PPFIBP2: variants seen among roughly 807,000 people sequenced by gnomAD.
PPFIBP2 encodes the protein PPFIB scaffold protein 2, also known as liprin-beta-2.
Under a neutral mutation model 118.3 loss-of-function variants are expected in PPFIBP2, and 118 were observed. The observed-to-expected ratio is 1.00, with a 90% CI of 0.86 to 1.16. The LOEUF (loss-of-function observed/expected upper bound fraction) is 1.16, where lower values mean the gene tolerates loss of function less well. PPFIBP2 is among the 50% of genes most tolerant of loss of function. The probability of loss-of-function intolerance (pLI) is 0.00; values close to 1 mark genes in which losing one functional copy is unlikely to be tolerated. For synonymous variants in PPFIBP2, 414 were observed against 397.4 expected, an observed-to-expected ratio of 1.04 and a Z score of -0.50; for missense variants, 1,195 against 1,073.1, an observed-to-expected ratio of 1.11 and a Z score of -1.59.
intron 2 of PPFIBP2, among the ~76,000 whole-genome samples, chr11:7,551,434 G>C (rs1852986534): frequency 6.6e-6 from 1 of 152,084 alleles, no homozygotes; most frequent in Non-Finnish European, 1.5e-5. Flanking sequence ...TATATATTCA[G>C]GTCTATTTCT....
intron 8 of PPFIBP2, among the ~76,000 whole-genome samples, chr11:7,626,281 C>G (rs1849995529): frequency 6.6e-6 from 1 of 152,230 alleles, no homozygotes; most frequent in Admixed American, 6.5e-5. Flanking sequence ...TTTACTCAGT[C>G]ATTTCATGGA....
chr11:7,607,832 A>G (rs1847582926), intron 5 of PPFIBP2, among the ~76,000 whole-genome samples: 1 of 152,190 alleles, frequency 6.6e-6, no homozygotes, highest in Admixed American at 6.5e-5. Flanking sequence ...ACTTTAACTT[A>G]TTTTCCTACC....
intron 2 of PPFIBP2, among the ~76,000 whole-genome samples, chr11:7,553,205 C>G (rs1409028026): frequency 6.7e-6 from 1 of 150,312 alleles, no homozygotes; most frequent in African/African-American, 2.5e-5. Flanking sequence ...TTCACTGATT[C>G]TTTTGGAATA....
chr11:7,663,489 G>C, the PPFIBP2 span, among the ~76,000 whole-genome samples: 1 of 152,202 alleles, frequency 6.6e-6, no homozygotes, highest in South Asian at 2.1e-4. Flanking sequence ...CCCACTTGAG[G>C]AGGCAGTCTG....
At chr11:7,540,686 G>A (rs1851684473) in intron 1 of PPFIBP2, among the ~76,000 whole-genome samples, 1 of 152,160 alleles carries the variant, frequency 6.6e-6, no homozygotes, top group Non-Finnish European at 1.5e-5. Context: ...CAGAATGGGG[G>A]ACCCCACAGG....
At position 7,648,508 on chromosome 11, in the gene PPFIBP2, T is replaced by C. The variant is rs1283595039; in HGVS notation, c.1768T>C (p.Leu590=). 1.5e-5 allele frequency: 25 copies of C among 1,614,046 alleles called. No individual in the cohort carries two copies. The highest frequency in any genetic ancestry group is 2.2e-5 in the East Asian group (1 of 44,844). ...GTGGGTATCTTCTGGCCACACCTTA[T>C]TGACAGCCACCCCTCAGGACATGGA... The part of the protein sequence containing the change: ...RQWVSSGHTL[L]TATPQDMEKE... The change falls in exon 18 of 24, where the codon TTG becomes CTG. Residue 590 remains leucine (L), a synonymous_variant. Transcript: ENST00000299492.
rs114491391 is a variant in PPFIBP2 at position 7,639,570 on chromosome 11, G to A, written c.1237-162G>A. ...AGTTTCTTCCTTCCTTGGAACTCTGGTCCCCTTTCTCGGACTAGCTAAATA... is the reference window on the plus strand; with the variant it reads ...AGTTTCTTCCTTCCTTGGAACTCTGATCCCCTTTCTCGGACTAGCTAAATA... On this transcript the variant is annotated intron_variant, in intron 14 of 23. Transcript: ENST00000299492. Among the ~76,000 whole-genome samples, 504 of 152,254 alleles carry A rather than the reference G, an allele frequency of 3.3e-3. 3 individuals are homozygous for A. The highest frequency in any genetic ancestry group is 0.012 in the African/African-American group (480 of 41,526).
intron 3 of PPFIBP2, chr11:7,577,540 G>A: frequency 2.2e-6 from 1 of 456,692 alleles, no homozygotes; most frequent in Non-Finnish European, 4.4e-6. Context: ...CTCCAGCCAG[G>A]AAAAGGGCTT....
At position 7,580,786 on chromosome 11, in the gene PPFIBP2, G is replaced by A. The variant is rs74051532; in HGVS notation, c.280-12346G>A. Reference sequence around the variant, plus strand: ...CACATACAGGCTTTATGAGGACTCAGTAAGATAGTACGATTAGTGCAGTAT... The same window carrying A: ...CACATACAGGCTTTATGAGGACTCAATAAGATAGTACGATTAGTGCAGTAT... On this transcript the variant is annotated intron_variant, in intron 3 of 23. Transcript: ENST00000299492. Among the ~76,000 whole-genome samples the A allele has an allele frequency of 2.9e-3, 434 of 151,258 alleles. 3 individuals carry two copies. Among genetic ancestry groups the A allele is most frequent in the African/African-American group, 0.01 (423 of 41,492 alleles).
At chr11:7,597,097 C>A in intron 4 of PPFIBP2, 1 of 1,282,670 alleles carries the variant, frequency 7.8e-7, no homozygotes, top group Non-Finnish European at 1.0e-6. Flanking sequence ...AAAACACTCA[C>A]CTGATAGGTG....
chr11:7,637,074 A>G (rs1404035691), intron 14 of PPFIBP2, among the ~76,000 whole-genome samples: 1 of 152,214 alleles, frequency 6.6e-6, no homozygotes. Context: ...GCCCATGGAA[A>G]AAGTCAATCT....
intron 2 of PPFIBP2, among the ~76,000 whole-genome samples, chr11:7,550,337 G>A (rs1590203631): frequency 1.3e-5 from 2 of 152,148 alleles, no homozygotes; most frequent in East Asian, 3.8e-4. Context: ...GAGCGTGGAG[G>A]AAGGTATTGG....
At chr11:7,665,502 C>G in the PPFIBP2 span, 33 of 1,613,506 alleles carry the variant, frequency 2.0e-5, no homozygotes, top group Non-Finnish European at 2.7e-5. Flanking sequence ...GGAAGGTGCT[C>G]CTTGATCATG....
intron 4 of PPFIBP2, 95 bp from the exon 5 acceptor site, chr11:7,597,465 A>G: frequency 6.5e-7 from 1 of 1,533,268 alleles, no homozygotes; most frequent in Admixed American, 2.0e-5. Context: ...TGTAAGAGTC[A>G]GTGGTGAGAT....
intron 1 of PPFIBP2, among the ~76,000 whole-genome samples, chr11:7,536,388 G>C (rs1851218957): frequency 6.6e-6 from 1 of 152,212 alleles, no homozygotes; most frequent in Non-Finnish European, 1.5e-5. Context: ...AATAATAACA[G>C]TAGGGTGCAG....
chr11:7,547,773 T>C (rs1852489984), intron 1 of PPFIBP2, among the ~76,000 whole-genome samples: 1 of 152,136 alleles, frequency 6.6e-6, no homozygotes, highest in South Asian at 2.1e-4. Flanking sequence ...AAGCTAACTG[T>C]GCAGTGGTTC....
At position 7,543,916 on chromosome 11, in the gene PPFIBP2, TGCA is replaced by T. The variant is rs1466463373; in HGVS notation, c.-36-5522_-36-5520del. ...AGGTGCCAAACTGGCCTTTGTGTGG[TGCA>T]GTTCATGTGGCTGTGGCATGTCATC... On this transcript the variant is annotated intron_variant, in intron 1 of 23. Transcript: ENST00000299492. Among the ~76,000 whole-genome samples, 4 of 152,206 alleles carry T rather than the reference TGCA, an allele frequency of 2.6e-5. No homozygotes were observed. The East Asian group carries it at 7.7e-4, about 29-fold the overall frequency.
intron 1 of PPFIBP2, among the ~76,000 whole-genome samples, chr11:7,538,794 C>A (rs755839171): frequency 6.6e-6 from 1 of 152,192 alleles, no homozygotes; most frequent in African/African-American, 2.4e-5. Flanking sequence ...ATATTGCATT[C>A]ATCCCCTGCC....
intron 2 of PPFIBP2, among the ~76,000 whole-genome samples, chr11:7,555,275 T>C (rs1036864445): frequency 6.6e-6 from 1 of 152,154 alleles, no homozygotes; most frequent in Admixed American, 6.5e-5. Context: ...CAGTACTCAC[T>C]GAGGAGGAAT....
Sources: allele counts gnomAD v4.1 joint callset (sites outside exome capture counted in the v4.1 genomes callset), GRCh38; gene constraint gnomAD v4.1.1; transcripts MANE v1.5; gene names NCBI Gene and HGNC (gene_info 2026-07-23, HGNC 2026-07-21).